Variants in CAMKK2 observed in about 807,000 individuals in gnomAD.
CAMKK2 encodes calcium/calmodulin-dependent protein kinase kinase 2.
A neutral mutation model predicts 67.2 loss-of-function variants in CAMKK2; 30 were observed. That is an observed-to-expected ratio of 0.45 (90% CI 0.33 to 0.61). CAMKK2 has a LOEUF of 0.61. Ranked by LOEUF, CAMKK2 falls within the 20% of genes least tolerant of loss-of-function variation. CAMKK2 has a pLI of 0.02. For missense variants in CAMKK2, 643 were observed against 802.0 expected, an observed-to-expected ratio of 0.80 and a Z score of 2.39; for synonymous variants, 322 against 326.2, an observed-to-expected ratio of 0.99 and a Z score of 0.14.
At chr12:121,288,543 T>TGAAAAAGG (rs1899258595) in intron 1 of CAMKK2, among the ~76,000 whole-genome samples, 1 of 152,120 alleles carries the variant, frequency 6.6e-6, no homozygotes, top group Non-Finnish European at 1.5e-5. Flanking sequence ...ATTTCAAAAA[T>TGAAAAAGG]GAAAAAGGGA....
At chr12:121,272,510 T>A (rs924857182) in intron 2 of CAMKK2, among the ~76,000 whole-genome samples, 4 of 151,974 alleles carry the variant, frequency 2.6e-5, no homozygotes, top group African/African-American at 7.3e-5. Flanking sequence ...CCAATTTTCA[T>A]CTCCAATTAT....
rs775538327 is a variant in CAMKK2 at position 121,244,523 on chromosome 12, GC to G, written c.1596+49del. ...CCCCGTGCTCTGCAGCTGCCCACCC[GC>G]CCCCCTCAGGCCCCAGCAGAGGCTA... On this transcript the variant is annotated intron_variant, in intron 16 of 16. Transcript: ENST00000404169. The G allele has an allele frequency of 5.2e-6, 8 of 1,528,338 alleles. No individual in the cohort carries two copies. In the African/African-American group the frequency reaches 6.9e-5, roughly 13 times the overall value. 94.7% of individuals were successfully genotyped at this position (1,528,338 alleles called of 1,614,324 possible).
chr12:121,260,256 A>T (rs1034632067), intron 7 of CAMKK2, 63 bp downstream of exon 7: 13 of 1,399,178 alleles, frequency 9.3e-6, no homozygotes, highest in African/African-American at 1.5e-5. Context: ...CCTCGAGAGG[A>T]CCCCTGGGCA....
chr12:121,273,839 C>A (rs1221746024), intron 2 of CAMKK2, among the ~76,000 whole-genome samples: 1 of 152,104 alleles, frequency 6.6e-6, no homozygotes, highest in African/African-American at 2.4e-5. Flanking sequence ...CATGACCCAC[C>A]CTTTGCTGAC....
In CAMKK2 at chr12:121,249,812, G is replaced by A. The variant is rs755271634; in HGVS notation, c.1298C>T (p.Ser433Leu). The A allele has an allele frequency of 1.2e-5, 20 of 1,614,026 alleles. No homozygotes were observed. Among genetic ancestry groups the A allele is most frequent in the African/African-American group, 8.0e-5 (6 of 74,906 alleles). The change falls in exon 13 of 17, where the codon TCG becomes TTG. Residue 433 changes from serine (S) to leucine (L), a missense_variant. Transcript: ENST00000404169. ...ITRMLDKNPE[S>L]RIVVPEIKLH... ...CTTGATTTCCGGCACCACGATCCTCGACTCGGGGTTCTTGTCCAGCATACG... is the reference window on the plus strand; with the variant it reads ...CTTGATTTCCGGCACCACGATCCTCAACTCGGGGTTCTTGTCCAGCATACG...
chr12:121,287,499 G>A (rs1055393827), intron 1 of CAMKK2, among the ~76,000 whole-genome samples: 3 of 151,938 alleles, frequency 2.0e-5, no homozygotes, highest in Admixed American at 6.6e-5. Context: ...AGATCCAGGT[G>A]GCCTGCCCTG....
At chr12:121,275,900 G>T (rs926639981) in intron 1 of CAMKK2, among the ~76,000 whole-genome samples, 1 of 152,140 alleles carries the variant, frequency 6.6e-6, no homozygotes, top group East Asian at 1.9e-4. Context: ...GGCAGCTCAC[G>T]CCTGTAATCT....
Position 121,274,389 on chromosome 12 carries a change from G to A in CAMKK2, c.138C>T (p.His46=), listed in dbSNP as rs750141130. The A allele has an allele frequency of 5.0e-6, 8 of 1,613,526 alleles. No homozygotes were observed. The East Asian group carries it at 1.1e-4, about 22-fold the overall frequency. The change falls in exon 2 of 17, where the codon CAC becomes CAT. Residue 46 remains histidine, a synonymous_variant. Transcript: ENST00000404169. Reference sequence around the variant, plus strand: ...CCACAATGAAGGACTCCATGCCCAGGTGGATGCTCAAGGATGAGAGGCCCC... The same window carrying A: ...CCACAATGAAGGACTCCATGCCCAGATGGATGCTCAAGGATGAGAGGCCCC... The part of the protein sequence containing the change: ...ALRGLSSLSI[H]LGMESFIVVT...
rs1889045679 is a variant in CAMKK2 at position 121,244,596 on chromosome 12, A to G, written c.1573T>C (p.Cys525Arg). The part of the protein sequence containing the change: ...NLLTKKPTRE[C>R]ESLSELKEAR... ...ACCTTGAGCTCAGACAGGGACTCAC[A>G]TTCCCTGGTTGGTTTTTTGCTGGAA... The change falls in exon 16 of 17, where the codon TGT (cysteine) becomes CGT (arginine). Residue 525 changes from cysteine (C) to arginine (R), a missense_variant. Around this residue, in one of 3 missense-constraint regions of CAMKK2, gnomAD observed 140 missense variants for 124.2 expected, o/e 1.13. Transcript: ENST00000404169. The G allele has an allele frequency of 1.3e-6, 2 of 1,565,212 alleles. No homozygotes were observed. Among genetic ancestry groups the G allele is most frequent in the Non-Finnish European group, 1.7e-6 (2 of 1,154,510 alleles).
At chr12:121,267,022 CTTTTTTTTTTTTTTTTTTTTTTT>C (rs58762246) in intron 5 of CAMKK2, among the ~76,000 whole-genome samples, 1 of 30,736 alleles carries the variant, frequency 3.3e-5, no homozygotes, top group Non-Finnish European at 5.4e-5. Flanking sequence ...GTGCTCTGGC[CTTTTTTTTTTTTTTTTTTTTTTT>C]TTTTTTTTGG....
In CAMKK2 at chr12:121,245,119, A is replaced by G; in HGVS notation, c.1553+21T>C. On this transcript the variant is annotated intron_variant, in intron 15 of 16. Coordinates refer to ENST00000404169, the MANE Select transcript of CAMKK2 (RefSeq NM_001270485.2). The surrounding 1 kb of genome is among the most constrained non-coding windows in gnomAD (Gnocchi z 5.8). The stretch of plus-strand genomic sequence containing the variant: ...CCTCCAGCCACCACTCCCCCACCCA[A>G]GAAGGCAGGCGGCCACTCACGTGAG... 1 of 1,544,508 alleles carries G rather than the reference A, an allele frequency of 6.5e-7. No individual in the cohort carries two copies. Among genetic ancestry groups the G allele is most frequent in the Non-Finnish European group, 8.8e-7 (1 of 1,131,992 alleles).
intron 1 of CAMKK2, among the ~76,000 whole-genome samples, chr12:121,275,121 TC>T (rs1307189027): frequency 6.6e-6 from 1 of 152,156 alleles, no homozygotes; most frequent in Non-Finnish European, 1.5e-5. Flanking sequence ...CCTTTGTTTT[TC>T]CCAAGAGAAG....
chr12:121,265,162 C>T lies in CAMKK2; in HGVS notation c.626-1223G>A, dbSNP rs974947762. On this transcript the variant is annotated intron_variant, in intron 5 of 16. Coordinates refer to ENST00000404169, the MANE Select transcript of CAMKK2 (RefSeq NM_001270485.2). ...TACAGACCCACAGTGAAAACCCTCA[C>T]GATGGCACACATCCCATGTAAGTAA... 3.3e-5 allele frequency among the ~76,000 whole-genome samples: 5 copies of T among 152,208 alleles called. No individual in the cohort carries two copies. The East Asian group carries it at 7.7e-4, about 23-fold the overall frequency.
chr12:121,277,692 T>G (rs1850459086), intron 1 of CAMKK2, among the ~76,000 whole-genome samples: 1 of 152,184 alleles, frequency 6.6e-6, no homozygotes. Context: ...TCAGGCCAGA[T>G]GCAGTGGTTC....
intron 1 of CAMKK2, among the ~76,000 whole-genome samples, chr12:121,288,072 T>A (rs1566141203): frequency 6.6e-6 from 1 of 151,996 alleles, no homozygotes; most frequent in Middle Eastern, 3.4e-3. Flanking sequence ...TGTGGGTGAG[T>A]TTGGGTATGT....
At chr12:121,263,970 G>A in intron 5 of CAMKK2, 31 bp from the exon 6 acceptor site, 1 of 1,541,142 alleles carries the variant, frequency 6.5e-7, no homozygotes, top group South Asian at 1.2e-5. Flanking sequence ...CCCAGGGTCA[G>A]GGCAAAGAGA....
intron 1 of CAMKK2, among the ~76,000 whole-genome samples, chr12:121,288,859 A>C (rs938597169): frequency 1.4e-5 from 2 of 141,732 alleles, no homozygotes; most frequent in Admixed American, 6.9e-5. Flanking sequence ...CAACATAAAA[A>C]TAGTTGCTCA....
chr12:121,290,144 C>A (rs953807657), intron 1 of CAMKK2, among the ~76,000 whole-genome samples: 1 of 152,156 alleles, frequency 6.6e-6, no homozygotes, highest in Non-Finnish European at 1.5e-5. Flanking sequence ...TTCTGTACTC[C>A]GCTTCCCTTG....
At chr12:121,255,236 TTATATATATATAATTATA>T (rs1891710584) in intron 9 of CAMKK2, among the ~76,000 whole-genome samples, 1 of 3,226 alleles carries the variant, frequency 3.1e-4, no homozygotes, top group African/African-American at 1.6e-3. Context: ...ATATATAATT[TTATATATATATAATTATA>T]TATATAATTT....
Sources: gnomAD v4.1 joint callset for allele counts (sites outside exome capture counted in the v4.1 genomes callset) on GRCh38, gnomAD v4.1.1 for gene constraint, gnomAD v4.1.1 regional missense constraint, Gnocchi (gnomAD v3.1) non-coding constraint, MANE v1.5 for transcripts, NCBI Gene and HGNC (gene_info 2026-07-23, HGNC 2026-07-21) for gene names.